Variants in LAPTM4A observed in about 807,000 individuals in gnomAD.
LAPTM4A encodes lysosomal protein transmembrane 4 alpha, also known as lysosomal-associated transmembrane protein 4A.
LAPTM4A carries 19 observed loss-of-function variants against 29.9 expected under a neutral mutation model. The ratio of observed to expected loss-of-function variants is 0.64; its 90% CI spans 0.44 to 0.93. The LOEUF is 0.93. Ranked by LOEUF, LAPTM4A falls within the 40% of genes least tolerant of loss-of-function variation. The pLI is 0.00. For missense variants in LAPTM4A, 293 were observed against 288.5 expected (o/e 1.02, Z -0.11); for synonymous variants, 105 against 102.1 (o/e 1.03, Z -0.17).
Position 20,033,387 on chromosome 2 carries a change from AAAG to A in LAPTM4A, c.628-111_628-109del, listed in dbSNP as rs1673614749. Reference sequence around the variant, plus strand: ...CCTAAATAGGGTTATACAAAACCATAAAGAAGAGCTGAAGAAACTGTTAGCTAA... The same window carrying A: ...CCTAAATAGGGTTATACAAAACCATAAAGAGCTGAAGAAACTGTTAGCTAA... On this transcript the variant is annotated intron_variant, in intron 6 of 6. Coordinates refer to ENST00000175091, the MANE Select transcript of LAPTM4A (RefSeq NM_014713.5). 5.5e-5 allele frequency: 45 copies of A among 815,906 alleles called. No homozygotes were observed. The East Asian group carries it at 1.2e-3, about 21-fold the overall frequency. 50.5% of individuals were successfully genotyped at this position (815,906 alleles called of 1,614,324 possible).
chr2:20,047,787 AG>A (rs1439423080), intron 1 of LAPTM4A, among the ~76,000 whole-genome samples: 1 of 152,142 alleles, frequency 6.6e-6, no homozygotes, highest in Non-Finnish European at 1.5e-5. Context: ...TAATGGTTGA[AG>A]CTGGGTGATG....
Position 20,033,368 on chromosome 2 carries a change from T to C in LAPTM4A, c.628-89A>G, listed in dbSNP as rs149179831. 406 of 1,011,626 alleles carry C rather than the reference T, an allele frequency of 4.0e-4. 3 individuals are homozygous for C. The East Asian group carries it at 9.1e-3, about 23-fold the overall frequency. The allele number at this position is 1,011,626 out of a possible 1,614,324, so 62.7% of individuals were successfully genotyped here. On this transcript the variant is annotated intron_variant, in intron 6 of 6. Transcript: ENST00000175091. ...CAGCTTTCAGACTTTATGCCCTAAA[T>C]AGGGTTATACAAAACCATAAAGAAG...
chr2:20,033,374 T>C (rs1191824), intron 6 of LAPTM4A, 95 bp from the exon 7 acceptor site: 475,945 of 904,234 alleles, frequency 0.53, 132,416 homozygotes, highest in Non-Finnish European at 0.59. Context: ...TAAATAGGGT[T>C]ATACAAAACC....
Position 20,051,449 on chromosome 2 carries a change from A to C in LAPTM4A, c.72T>G (p.His24Gln), listed in dbSNP as rs1244789265. ...FYSTRCCGCC[H>Q]VRTGTIILGT... Reference sequence around the variant, plus strand: ...CCAGGATGATCGTCCCGGTGCGGACATGGCAACAGCCGCAGCACCGGGTGC... The same window carrying C: ...CCAGGATGATCGTCCCGGTGCGGACCTGGCAACAGCCGCAGCACCGGGTGC... The change falls in exon 1 of 7, where the codon CAT becomes CAG. Residue 24 changes from histidine to glutamine, a missense_variant. His to Gln is a conservative substitution (Grantham distance 24). Coordinates refer to ENST00000175091, the MANE Select transcript of LAPTM4A (RefSeq NM_014713.5). The C allele has an allele frequency of 6.2e-7, 1 of 1,613,394 alleles. No individual in the cohort carries two copies. Among genetic ancestry groups the C allele is most frequent in the East Asian group, 2.2e-5 (1 of 44,856 alleles).
At chr2:20,051,308 G>T in intron 1 of LAPTM4A, 102 bp downstream of exon 1, 1 of 753,750 alleles carries the variant, frequency 1.3e-6, no homozygotes, top group Non-Finnish European at 2.3e-6. Context: ...GCCCCTCCAA[G>T]TCCCCGCCCC....
chr2:20,037,456 A>G lies in LAPTM4A; in HGVS notation c.310-18T>C. On this transcript the variant is annotated intron_variant, in intron 3 of 6. Transcript: ENST00000175091. ...ACTTGATACTGGAGAAAAAATAACA[A>G]CCATAACATTGTATCACATATAGGA... is the stretch of plus-strand genomic sequence containing the variant. 1 of 1,605,300 alleles carries G rather than the reference A, an allele frequency of 6.2e-7. No homozygotes were observed. Among genetic ancestry groups the G allele is most frequent in the Admixed American group, 1.7e-5 (1 of 57,184 alleles).
intron 5 of LAPTM4A, among the ~76,000 whole-genome samples, chr2:20,034,658 G>A (rs908443720): frequency 1.3e-5 from 2 of 152,184 alleles, no homozygotes; most frequent in Non-Finnish European, 2.9e-5. Context: ...AACCCACTGT[G>A]CTGCAGAAGA....
chr2:20,049,810 TC>T (rs1256499956), intron 1 of LAPTM4A, among the ~76,000 whole-genome samples: 1 of 152,098 alleles, frequency 6.6e-6, no homozygotes. Context: ...AAGAAAGTCA[TC>T]TTCTGGGGGT....
At chr2:20,042,269 T>C (rs537698146) in intron 1 of LAPTM4A, among the ~76,000 whole-genome samples, 7 of 152,322 alleles carry the variant, frequency 4.6e-5, no homozygotes, top group South Asian at 4.1e-4. Context: ...CCAGCCTGCA[T>C]TGGCTTTACA....
chr2:20,051,530 C>A lies in LAPTM4A; in HGVS notation c.-10G>T, dbSNP rs772577948. 1.3e-6 allele frequency: 2 copies of A among 1,560,344 alleles called. No homozygotes were observed. Among genetic ancestry groups the A allele is most frequent in the Non-Finnish European group, 1.8e-6 (2 of 1,142,838 alleles). On this transcript the variant is annotated 5_prime_UTR_variant, in exon 1 of 7. Transcript: ENST00000175091. ...AACTCATGGACACCATCGTAACAGG[C>A]GGGCCTCCTTCTTGGCCGGGCCCCT...
chr2:20,039,957 A>G (rs1240701143), intron 2 of LAPTM4A, among the ~76,000 whole-genome samples: 1 of 152,000 alleles, frequency 6.6e-6, no homozygotes, highest in Non-Finnish European at 1.5e-5. Context: ...GAGGCAGGAG[A>G]ATCGCTTGAA....
chr2:20,040,334 A>G (rs1002021285), intron 2 of LAPTM4A, among the ~76,000 whole-genome samples: 2 of 152,222 alleles, frequency 1.3e-5, no homozygotes, highest in Admixed American at 6.5e-5. Context: ...GAAATGCTCT[A>G]TTGTAATCCT....
chr2:20,046,719 T>G (rs1288641001), intron 1 of LAPTM4A, among the ~76,000 whole-genome samples: 7 of 141,786 alleles, frequency 4.9e-5, no homozygotes, highest in Non-Finnish European at 1.1e-4. Flanking sequence ...TATATATTTA[T>G]ATATTATATA....
At chr2:20,035,349 G>A (rs1418644217) in intron 4 of LAPTM4A, 1 of 345,482 alleles carries the variant, frequency 2.9e-6, no homozygotes, top group Non-Finnish European at 5.5e-6. Context: ...TCTGGCCTTT[G>A]GAAAAACACT....
At chr2:20,041,163 C>G (rs939814729) in intron 1 of LAPTM4A, 152 bp from the exon 2 acceptor site, 10 of 566,586 alleles carry the variant, frequency 1.8e-5, no homozygotes, top group African/African-American at 3.8e-5. Context: ...TAAAACAATA[C>G]GCAATTACCA....
In LAPTM4A at chr2:20,037,594, C is replaced by T. The variant is rs993309887; in HGVS notation, c.253G>A (p.Ala85Thr). 5.0e-6 allele frequency: 8 copies of T among 1,605,458 alleles called. No individual in the cohort carries two copies. The highest frequency in any genetic ancestry group is 6.8e-6 in the Non-Finnish European group (8 of 1,176,244). ...RMADNACVLF[A>T]VSVLMFIISS... ...ATTATAAACATAAGAACAGAGACGG[C>T]AAAAAGAACACAGGCATTATCTAAG... The change falls in exon 3 of 7, where the codon GCC becomes ACC. Residue 85 changes from alanine (A) to threonine (T), a missense_variant. Physicochemically the swap from Ala to Thr is moderately conservative, Grantham distance 58. Transcript: ENST00000175091.
intron 2 of LAPTM4A, among the ~76,000 whole-genome samples, 157 bp from the exon 3 acceptor site, chr2:20,037,771 CA>C (rs1030055503): frequency 2.1e-5 from 3 of 139,784 alleles, no homozygotes; most frequent in Non-Finnish European, 3.1e-5. Flanking sequence ...AAAAAAAAAT[CA>C]AAGTCTCAGC....
chr2:20,047,696 C>CAAAAAAAAAAAAAAAAAAAAAAAAAAG (rs61601787), intron 1 of LAPTM4A, among the ~76,000 whole-genome samples: 1 of 76,714 alleles, frequency 1.3e-5, no homozygotes, highest in African/African-American at 5.0e-5. Context: ...GACTCCGTCT[C>CAAAAAAAAAAAAAAAAAAAAAAAAAAG]AAAAAAAAAA....
Position 20,034,401 on chromosome 2 carries a change from G to A in LAPTM4A, c.543C>T (p.Asn181=), listed in dbSNP as rs1156827727. 1.2e-6 allele frequency: 2 copies of A among 1,611,506 alleles called. No individual in the cohort carries two copies. The highest frequency in any genetic ancestry group is 1.3e-5 in the African/African-American group (1 of 74,838). The change falls in exon 6 of 7, where the codon AAC becomes AAT. Residue 181 remains asparagine (N), a synonymous_variant. Transcript: ENST00000175091. ...LFIIFKAYLI[N]CVWNCYKYIN... The stretch of plus-strand genomic sequence containing the variant: ...TGTATTTATAGCAGTTCCAAACACA[G>A]TTAATTAGATAAGCCTGGAAGAATA...
Sources: allele counts gnomAD v4.1 joint callset (sites outside exome capture counted in the v4.1 genomes callset), GRCh38; gene constraint gnomAD v4.1.1; transcripts MANE v1.5; gene names NCBI Gene and HGNC (gene_info 2026-07-23, HGNC 2026-07-21).